Variants in EEF1E1 observed in about 807,000 individuals in gnomAD.
EEF1E1 encodes the protein eukaryotic translation elongation factor 1 epsilon-1.
A neutral mutation model predicts 19.9 loss-of-function variants in EEF1E1; 19 were observed. The ratio of observed to expected loss-of-function variants is 0.95; its 90% CI spans 0.66 to 1.40. EEF1E1 has a LOEUF of 1.40. EEF1E1 is among the 40% of genes most tolerant of loss of function. The pLI is 0.00. For missense variants in EEF1E1, 198 were observed against 202.2 expected (o/e 0.98, Z 0.13); for synonymous variants, 81 against 80.0 (o/e 1.01, Z -0.07).
chr6:8,076,947 G>T (rs12205073), downstream of EEF1E1, among the ~76,000 whole-genome samples: 2,426 of 112,916 alleles, frequency 0.021, 78 homozygotes, highest in African/African-American at 0.054. Flanking sequence ...TTTTGTTTTT[G>T]TTTTTTTTTT....
At chr6:8,085,733 CA>C (rs1464655344) in intron 3 of EEF1E1, among the ~76,000 whole-genome samples, 4 of 152,120 alleles carry the variant, frequency 2.6e-5, no homozygotes, top group African/African-American at 9.7e-5. Context: ...ATAAGCTTTC[CA>C]AAACAATGAA....
chr6:8,101,045 G>A (rs541559792), intron 1 of EEF1E1, among the ~76,000 whole-genome samples: 1 of 149,034 alleles, frequency 6.7e-6, no homozygotes, highest in South Asian at 2.1e-4. Context: ...GGCCAACATG[G>A]TGCAACCCGG....
intron 1 of EEF1E1, among the ~76,000 whole-genome samples, chr6:8,100,474 G>A (rs1758317589): frequency 6.6e-6 from 1 of 152,192 alleles, no homozygotes; most frequent in Admixed American, 6.5e-5. Context: ...TAAGCTACAA[G>A]TCTGCCTTTC....
At chr6:8,082,209 T>TA (rs1757738886) in intron 3 of EEF1E1, among the ~76,000 whole-genome samples, 1 of 152,222 alleles carries the variant, frequency 6.6e-6, no homozygotes. Context: ...AGACTCACAG[T>TA]AAAAAATAGT....
chr6:8,085,738 C>A (rs1263939536), intron 3 of EEF1E1, among the ~76,000 whole-genome samples: 1 of 152,184 alleles, frequency 6.6e-6, no homozygotes, highest in Non-Finnish European at 1.5e-5. Context: ...CTTTCCAAAA[C>A]AATGAAAATT....
downstream of EEF1E1, among the ~76,000 whole-genome samples, chr6:8,075,569 T>G (rs1439627958): frequency 6.6e-6 from 1 of 152,184 alleles, no homozygotes; most frequent in African/African-American, 2.4e-5. Context: ...AAAATTTTAT[T>G]GCTAAAAACA....
chr6:8,086,814 T>C (rs2113646437), intron 3 of EEF1E1, among the ~76,000 whole-genome samples: 1 of 152,296 alleles, frequency 6.6e-6, no homozygotes, highest in South Asian at 2.1e-4. Flanking sequence ...TATGGAGGGG[T>C]GACCACCTAC....
downstream of EEF1E1, among the ~76,000 whole-genome samples, chr6:8,079,062 C>T (rs1378229668): frequency 2.0e-5 from 3 of 152,146 alleles, no homozygotes. Flanking sequence ...ATAAAATATA[C>T]AGATCTTTTA....
chr6:8,099,751 A>AACACACAC (rs1554099744), intron 1 of EEF1E1, among the ~76,000 whole-genome samples: 1,188 of 92,864 alleles, frequency 0.013, 31 homozygotes, highest in South Asian at 0.033. Context: ...CCGCCTCAAA[A>AACACACAC]ACACACACAC....
At chr6:8,092,458 G>A (rs554330785) in intron 2 of EEF1E1, among the ~76,000 whole-genome samples, 34 of 152,242 alleles carry the variant, frequency 2.2e-4, no homozygotes, top group African/African-American at 7.5e-4. Context: ...CATTTTCTCT[G>A]ACGATTTTCA....
chr6:8,101,623 G>T, intron 1 of EEF1E1: 1 of 631,266 alleles, frequency 1.6e-6, no homozygotes, highest in Non-Finnish European at 2.3e-6. Flanking sequence ...ACATCATTTG[G>T]AAAAAATCTC....
chr6:8,096,786 A>G (rs1758187337), intron 2 of EEF1E1, among the ~76,000 whole-genome samples: 1 of 152,162 alleles, frequency 6.6e-6, no homozygotes, highest in South Asian at 2.1e-4. Context: ...TAAAAATTTA[A>G]AGCAATGATT....
Position 8,079,741 on chromosome 6 carries a change from C to T in EEF1E1, c.*149G>A. Reference sequence around the variant, plus strand: ...AACTTCAGCTAAAGAACAAATAAAACATTCAGACACAAGTTTACACTTCAA... The same window carrying T: ...AACTTCAGCTAAAGAACAAATAAAATATTCAGACACAAGTTTACACTTCAA... On this transcript the variant is annotated 3_prime_UTR_variant, in exon 4 of 4. Coordinates refer to ENST00000379715, the MANE Select transcript of EEF1E1 (RefSeq NM_004280.5). 7.8e-7 allele frequency: 1 copy of T among 1,289,340 alleles called. No homozygotes were observed. Among genetic ancestry groups the T allele is most frequent in the Non-Finnish European group, 9.8e-7 (1 of 1,015,710 alleles). 79.9% of individuals were successfully genotyped at this position (1,289,340 alleles called of 1,614,324 possible). A position where few individuals can be genotyped will look rare whatever the true frequency, so the allele number is the denominator to read the frequency against.
chr6:8,083,525 G>GTGGT (rs1757771861), intron 3 of EEF1E1, among the ~76,000 whole-genome samples: 2 of 152,186 alleles, frequency 1.3e-5, no homozygotes, highest in South Asian at 4.2e-4. Flanking sequence ...TGAGTCACTG[G>GTGGT]TGTTATAATA....
rs1200740855 is a variant in EEF1E1, at chr6:8,102,459, T to G, written c.63A>C (p.Lys21Asn). The G allele has an allele frequency of 1.2e-6, 2 of 1,612,674 alleles. No individual in the cohort carries two copies. Among genetic ancestry groups the G allele is most frequent in the Non-Finnish European group, 1.7e-6 (2 of 1,179,928 alleles). The change falls in exon 1 of 4, where the codon AAA (lysine) becomes AAC (asparagine). Residue 21 changes from lysine to asparagine, a missense_variant. Coordinates refer to ENST00000379715, the MANE Select transcript of EEF1E1 (RefSeq NM_004280.5). ...CCTGTCGCTCGCCCTGAGCACTGTA[T>G]TTATTCCCCTTACTCAGTCCCAGGG... ...EKSLGLSKGN[K>N]YSAQGERQIP...
At chr6:8,089,983 A>G (rs1249913869) in intron 3 of EEF1E1, 19 of 403,140 alleles carry the variant, frequency 4.7e-5, no homozygotes, top group Non-Finnish European at 1.3e-5. Flanking sequence ...AGTTTTTTTA[A>G]ATTTTATTAT....
chr6:8,073,631 T>A, intron 3 of EEF1E1: 1 of 1,349,686 alleles, frequency 7.4e-7, no homozygotes, highest in Non-Finnish European at 9.9e-7. Flanking sequence ...TTAACAGATA[T>A]TTTAAAAAGT....
At position 8,080,109 on chromosome 6, in the gene EEF1E1, T is replaced by C. The variant is rs184583775; in HGVS notation, c.385-79A>G. 100 of 1,501,514 alleles carry C rather than the reference T, an allele frequency of 6.7e-5. 1 individual carries two copies. In the East Asian group the frequency reaches 9.8e-4, roughly 15 times the overall value. The allele number at this position is 1,501,514 out of a possible 1,614,324, so 93.0% of individuals were successfully genotyped here. A position where few individuals can be genotyped will look rare whatever the true frequency, so the allele number is the denominator to read the frequency against. On this transcript the variant is annotated intron_variant, in intron 3 of 3. Coordinates refer to ENST00000379715, the MANE Select transcript of EEF1E1 (RefSeq NM_004280.5). ...CTGTTAATATCACTTAAGTAGGAGATAGAAGTTGAAAAACAACAACATCAA... is the reference window on the plus strand; with the variant it reads ...CTGTTAATATCACTTAAGTAGGAGACAGAAGTTGAAAAACAACAACATCAA...
At chr6:8,077,788 CTT>C (rs1433424117), downstream of EEF1E1, among the ~76,000 whole-genome samples, 3 of 152,130 alleles carry the variant, frequency 2.0e-5, no homozygotes, top group African/African-American at 7.2e-5. Context: ...TGGAGTAGCA[CTT>C]TTATTTATTG....
Sources: allele counts gnomAD v4.1 joint callset (sites outside exome capture counted in the v4.1 genomes callset), GRCh38; gene constraint gnomAD v4.1.1; transcripts MANE v1.5; gene names NCBI Gene and HGNC (gene_info 2026-07-23, HGNC 2026-07-21).